Variants in LRMDA observed in about 807,000 individuals in gnomAD.
LRMDA encodes the protein leucine-rich melanocyte differentiation-associated protein.
LRMDA carries 18 observed loss-of-function variants against 29.8 expected under a neutral mutation model. The ratio of observed to expected loss-of-function variants is 0.60; its 90% CI spans 0.42 to 0.90. LRMDA has a LOEUF of 0.90. LRMDA is among the 40% of genes least tolerant of loss of function. LRMDA has a pLI of 0.00. For synonymous variants in LRMDA, 125 were observed against 109.4 expected, an observed-to-expected ratio of 1.14 and a Z score of -0.89; for missense variants, 273 against 273.9, an observed-to-expected ratio of 1.00 and a Z score of 0.02.
At chr10:76,109,421 AT>A (rs948869129) in intron 5 of LRMDA, among the ~76,000 whole-genome samples, 4 of 152,064 alleles carry the variant, frequency 2.6e-5, no homozygotes, top group Non-Finnish European at 2.9e-5. Flanking sequence ...GATGCCATCA[AT>A]TTTTTCGTCC....
chr10:75,448,252 T>G (rs1844417356), intron 2 of LRMDA, among the ~76,000 whole-genome samples: 1 of 152,226 alleles, frequency 6.6e-6, no homozygotes, highest in Non-Finnish European at 1.5e-5. Context: ...TATAATGCTT[T>G]TTATTTCCCC....
intron 5 of LRMDA, among the ~76,000 whole-genome samples, chr10:76,182,358 C>G (rs1851064939): frequency 6.6e-6 from 1 of 152,150 alleles, no homozygotes; most frequent in African/African-American, 2.4e-5. Context: ...AAGTTCTTCC[C>G]TCGACATGTG....
At chr10:76,378,505 T>C (rs1841548281) in intron 6 of LRMDA, among the ~76,000 whole-genome samples, 1 of 152,208 alleles carries the variant, frequency 6.6e-6, no homozygotes, top group Non-Finnish European at 1.5e-5. Flanking sequence ...AGTATGATGA[T>C]GGCTGTAAGT....
chr10:75,958,464 G>T (rs1026918416), intron 2 of LRMDA, among the ~76,000 whole-genome samples: 1 of 152,084 alleles, frequency 6.6e-6, no homozygotes, highest in Non-Finnish European at 1.5e-5. Context: ...GCAGGCATTT[G>T]TGTTGGTTTT....
intron 2 of LRMDA, among the ~76,000 whole-genome samples, chr10:75,442,089 C>A (rs1244336517): frequency 6.6e-6 from 1 of 152,164 alleles, no homozygotes; most frequent in Non-Finnish European, 1.5e-5. Context: ...AGAGATATTC[C>A]ATGCATATAC....
chr10:75,556,830 A>G (rs78358436), intron 2 of LRMDA, among the ~76,000 whole-genome samples: 9,429 of 151,124 alleles, frequency 0.062, 429 homozygotes, highest in Non-Finnish European at 0.093. Flanking sequence ...AATAATGTAT[A>G]TCGTAATACT....
rs1014599011 is a variant in LRMDA at position 76,489,877 on chromosome 10, C to CCTG, written c.602-67327_602-67325dup. Among the ~76,000 whole-genome samples, 5 of 152,000 alleles carry CCTG rather than the reference C, an allele frequency of 3.3e-5. No individual in the cohort carries two copies. The Middle Eastern group carries it at 0.014, about 414-fold the overall frequency. ...TCTTCACTTGACACTCATTCTCTCT[C>CCTG]CTGCTGCCCTGTGAAGAGGTGCCTT... On this transcript the variant is annotated intron_variant, in intron 6 of 6. Transcript: ENST00000611255.
intron 2 of LRMDA, among the ~76,000 whole-genome samples, chr10:75,482,071 C>T (rs938141303): frequency 1.3e-5 from 2 of 152,164 alleles, no homozygotes; most frequent in Admixed American, 1.3e-4. Context: ...GTTATTCTCC[C>T]TCCCTGTATC....
intron 5 of LRMDA, among the ~76,000 whole-genome samples, chr10:76,129,469 A>G (rs1410743625): frequency 6.6e-6 from 1 of 152,166 alleles, no homozygotes; most frequent in African/African-American, 2.4e-5. Context: ...ATAGACCTTT[A>G]GTGTGGACAG....
intron 6 of LRMDA, among the ~76,000 whole-genome samples, chr10:76,504,185 C>A (rs1842938072): frequency 6.6e-6 from 1 of 151,712 alleles, no homozygotes; most frequent in South Asian, 2.1e-4. Flanking sequence ...ATGGTGTGGT[C>A]CAAGAGTGTG....
chr10:75,666,144 A>G (rs1841818711), intron 2 of LRMDA, among the ~76,000 whole-genome samples: 1 of 152,188 alleles, frequency 6.6e-6, no homozygotes, highest in East Asian at 1.9e-4. Context: ...AAATATGAAT[A>G]CCTGCTAGGG....
At chr10:76,034,772 A>G (rs555248834) in intron 2 of LRMDA, among the ~76,000 whole-genome samples, 1 of 152,260 alleles carries the variant, frequency 6.6e-6, no homozygotes, top group East Asian at 1.9e-4. Flanking sequence ...AGTGTGGACG[A>G]CATCTCCCTG....
chr10:75,994,623 G>T (rs114656787), intron 2 of LRMDA, among the ~76,000 whole-genome samples: 4 of 152,148 alleles, frequency 2.6e-5, no homozygotes, highest in African/African-American at 4.8e-5. Context: ...AGAAAATCGC[G>T]CTCACCTCTG....
At chr10:75,562,918 T>C (rs1840317560) in intron 2 of LRMDA, among the ~76,000 whole-genome samples, 1 of 152,174 alleles carries the variant, frequency 6.6e-6, no homozygotes, top group Non-Finnish European at 1.5e-5. Context: ...CTGATGGGCT[T>C]CCCTTTGAGG....
intron 5 of LRMDA, among the ~76,000 whole-genome samples, chr10:76,079,810 C>A (rs1162880160): frequency 6.6e-6 from 1 of 152,138 alleles, no homozygotes; most frequent in Non-Finnish European, 1.5e-5. Context: ...CATTTCATGT[C>A]AGCTTTTATA....
At chr10:76,082,844 G>T (rs898830848) in intron 5 of LRMDA, among the ~76,000 whole-genome samples, 3 of 152,152 alleles carry the variant, frequency 2.0e-5, no homozygotes, top group African/African-American at 7.2e-5. Flanking sequence ...ATATCCCGAT[G>T]AAATTCTTGC....
chr10:75,837,121 C>T (rs1172985270), intron 2 of LRMDA, among the ~76,000 whole-genome samples: 7 of 152,104 alleles, frequency 4.6e-5, no homozygotes, highest in Non-Finnish European at 1.0e-4. Flanking sequence ...ACTTAGTACT[C>T]AAGATAGTGC....
rs150186824 is a variant in LRMDA at position 76,103,302 on chromosome 10, T to C, written c.516+44519T>C. 1.8e-4 allele frequency among the ~76,000 whole-genome samples: 28 copies of C among 152,316 alleles called. No homozygotes were observed. The East Asian group carries it at 2.9e-3, about 16-fold the overall frequency. On this transcript the variant is annotated intron_variant, in intron 5 of 6. Coordinates refer to ENST00000611255, the MANE Select transcript of LRMDA (RefSeq NM_001305581.2). ...AATGCAGTTGAGGATAAAGAGGTTG[T>C]TTTTAACAATAAGAGCCCTCTTGAA...
At chr10:75,864,172 A>G (rs138522713) in intron 2 of LRMDA, among the ~76,000 whole-genome samples, 55 of 152,338 alleles carry the variant, frequency 3.6e-4, no homozygotes, top group South Asian at 1.0e-3. Context: ...GGATGAGATA[A>G]TATTTGCAGT....
Sources: allele counts gnomAD v4.1 joint callset (sites outside exome capture counted in the v4.1 genomes callset), GRCh38; gene constraint gnomAD v4.1.1; transcripts MANE v1.5; gene names NCBI Gene and HGNC (gene_info 2026-07-23, HGNC 2026-07-21).